The following TCTN2 variants were observed in gnomAD, a reference collection of about 807,000 sequenced individuals.
TCTN2 encodes the protein tectonic-2.
In TCTN2, 66 loss-of-function variants were observed where a neutral mutation model predicts 83.4. That is an observed-to-expected ratio of 0.79 (90% CI 0.65 to 0.97). The LOEUF (loss-of-function observed/expected upper bound fraction) is 0.97. Among genes scored for constraint, TCTN2 ranks in the 50% least tolerant of loss-of-function variants. The probability of loss-of-function intolerance (pLI) is 0.00; values close to 1 mark genes in which losing one functional copy is unlikely to be tolerated. For synonymous variants in TCTN2, 301 were observed against 326.7 expected, an observed-to-expected ratio of 0.92 and a Z score of 0.85; for missense variants, 794 against 858.1, an observed-to-expected ratio of 0.93 and a Z score of 0.93.
At chr12:123,671,486 T>C (rs1566241375) in intron 1 of TCTN2, 21 bp from the exon 2 acceptor site, 1 of 1,612,242 alleles carries the variant, frequency 6.2e-7, no homozygotes, top group Non-Finnish European at 8.5e-7. Flanking sequence ...CCCCTCCTTG[T>C]CCCCTTTCCT....
chr12:123,706,992 A>G lies in TCTN2; in HGVS notation c.1903A>G (p.Ile635Val). The change falls in exon 17 of 18, where the codon ATC becomes GTC. Residue 635 changes from isoleucine (I) to valine (V), a missense_variant. Ile to Val is a conservative substitution (Grantham distance 29, BLOSUM62 3). Coordinates refer to ENST00000303372, the MANE Select transcript of TCTN2 (RefSeq NM_024809.5). ...QLPHPLTRFQ[I>V]NYTEYDCNRN... Reference sequence around the variant, plus strand: ...CTCTAAAATGTTTTCTAGATTCCAGATCAATTATACAGAGTATGACTGCAA... The same window carrying G: ...CTCTAAAATGTTTTCTAGATTCCAGGTCAATTATACAGAGTATGACTGCAA... 6.2e-7 allele frequency: 1 copy of G among 1,614,080 alleles called. No individual in the cohort carries two copies. Among genetic ancestry groups the G allele is most frequent in the Non-Finnish European group, 8.5e-7 (1 of 1,180,008 alleles).
chr12:123,707,539 ATACC>A, intron 17 of TCTN2, 61 bp from the exon 18 acceptor site: 1 of 1,474,854 alleles, frequency 6.8e-7, no homozygotes, highest in African/African-American at 1.4e-5. Context: ...CACCCAGCCT[ATACC>A]TACACTGTTA....
At position 123,679,292 on chromosome 12, in the gene TCTN2, A is replaced by C. The variant is rs761089886; in HGVS notation, c.564+3A>C. 6.6e-5 allele frequency: 106 copies of C among 1,613,460 alleles called. No homozygotes were observed. In the East Asian group the frequency reaches 1.7e-3, roughly 25 times the overall value. Reference sequence around the variant, plus strand: ...ATGTTCGCTGCTGCTGTGACCAGGTATGTTCTTTGGTTATTGGGCACAAAA... The same window carrying C: ...ATGTTCGCTGCTGCTGTGACCAGGTCTGTTCTTTGGTTATTGGGCACAAAA... On this transcript the variant is annotated splice_donor_region_variant and intron_variant, in intron 5 of 17. Coordinates refer to ENST00000303372, the MANE Select transcript of TCTN2 (RefSeq NM_024809.5).
chr12:123,676,434 G>A (rs995615824), intron 4 of TCTN2, among the ~76,000 whole-genome samples: 2 of 151,800 alleles, frequency 1.3e-5, no homozygotes, highest in African/African-American at 4.8e-5. Flanking sequence ...CGGGTATGGT[G>A]GCGGGTGCCT....
In TCTN2 at chr12:123,671,148, C is replaced by T. The variant is rs1955743060; in HGVS notation, c.-93C>T. The T allele has an allele frequency of 8.9e-6, 11 of 1,240,968 alleles. No individual in the cohort carries two copies. In the South Asian group the frequency reaches 8.9e-5, roughly 10 times the overall value. 76.9% of individuals were successfully genotyped at this position (1,240,968 alleles called of 1,614,324 possible). ...GCGTTCGCTTGCAAGATGGCGGCGG[C>T]GGGGCAGTGGCTGCTGCGTTTTCGT... On this transcript the variant is annotated 5_prime_UTR_variant, in exon 1 of 18. Coordinates refer to ENST00000303372, the MANE Select transcript of TCTN2 (RefSeq NM_024809.5).
At chr12:123,686,023 G>A (rs1250828535) in intron 5 of TCTN2, among the ~76,000 whole-genome samples, 8 of 151,650 alleles carry the variant, frequency 5.3e-5, no homozygotes, top group African/African-American at 1.4e-4. Flanking sequence ...GATGCACTGC[G>A]TGCAGTCCAA....
intron 5 of TCTN2, among the ~76,000 whole-genome samples, chr12:123,683,218 A>C (rs1028701408): frequency 1.3e-5 from 2 of 151,846 alleles, no homozygotes; most frequent in African/African-American, 4.8e-5. Flanking sequence ...GTGAGAGTCC[A>C]TCTCAAAAAA....
intron 11 of TCTN2, chr12:123,695,568 C>T: frequency 3.3e-6 from 1 of 300,100 alleles, no homozygotes; most frequent in Non-Finnish European, 6.1e-6. Context: ...ATTACAGGTG[C>T]ACACCACCAT....
Position 123,680,421 on chromosome 12 carries a change from T to C in TCTN2, c.564+1132T>C, listed in dbSNP as rs939205453. The stretch of plus-strand genomic sequence containing the variant: ...TTTTTGAGACGGCCTCCTAAAGTGC[T>C]GGAATTACAGGTGTAAGCCACCATG... On this transcript the variant is annotated intron_variant, in intron 5 of 17. Transcript: ENST00000303372. 2.0e-5 allele frequency among the ~76,000 whole-genome samples: 3 copies of C among 151,698 alleles called. No individual in the cohort carries two copies. The East Asian group carries it at 5.8e-4, about 29-fold the overall frequency.
chr12:123,676,931 A>T (rs1441668770), intron 4 of TCTN2, among the ~76,000 whole-genome samples: 2 of 152,214 alleles, frequency 1.3e-5, no homozygotes, highest in Admixed American at 1.3e-4. Flanking sequence ...TAATTCCAGC[A>T]CTTTGGGAGG....
At position 123,699,680 on chromosome 12, in the gene TCTN2, G is replaced by T. The variant is rs1956149329; in HGVS notation, c.1506-24G>T. The T allele has an allele frequency of 1.9e-6, 3 of 1,586,676 alleles. No homozygotes were observed. The East Asian group carries it at 6.7e-5, about 35-fold the overall frequency. On this transcript the variant is annotated intron_variant, in intron 13 of 17. Coordinates refer to ENST00000303372, the MANE Select transcript of TCTN2 (RefSeq NM_024809.5). ...GGACAAGACCTGCTGGCCATGAGCT[G>T]AGAAATGTCTTACTCTCTTGCAGGG...
intron 2 of TCTN2, 101 bp from the exon 3 acceptor site, chr12:123,671,955 A>G (rs954571997): frequency 7.1e-6 from 7 of 989,964 alleles, no homozygotes; most frequent in East Asian, 2.4e-5. Context: ...AAAGGGCCCA[A>G]TCTTAGGCTG....
chr12:123,679,713 A>G (rs995848750), intron 5 of TCTN2, among the ~76,000 whole-genome samples: 8 of 136,310 alleles, frequency 5.9e-5, no homozygotes, highest in African/African-American at 2.2e-4. Flanking sequence ...TATGTTTTCT[A>G]TTGCAAATTG....
rs144567556 is a variant in TCTN2, at chr12:123,688,096, C to T, written c.810C>T (p.Asp270=). 10,111 of 1,613,986 alleles carry T rather than the reference C, an allele frequency of 6.3e-3. 46 individuals carry two copies. Among genetic ancestry groups the T allele is most frequent in the Non-Finnish European group, 7.8e-3 (9,187 of 1,179,922 alleles). The part of the protein sequence containing the change: ...DSSFEVYVDT[D]AKDFADFGYK... ...CCTTTGAAGTATATGTGGATACTGA[C>T]GCAAAAGACTTTGCAGACTTTGGTT... Residue 270 remains aspartate (D), a synonymous_variant, in exon 7 of 18, where the codon GAC becomes GAT. Transcript: ENST00000303372.
chr12:123,692,551 G>A, intron 8 of TCTN2, 107 bp from the exon 9 acceptor site: 1 of 875,154 alleles, frequency 1.1e-6, no homozygotes, highest in South Asian at 1.4e-5. Context: ...TCAGCACCCT[G>A]GGCAGTTGCG....
intron 11 of TCTN2, chr12:123,695,693 T>C (rs1330954146): frequency 1.2e-5 from 2 of 165,996 alleles, no homozygotes; most frequent in African/African-American, 4.8e-5. Context: ...TTTATATTTT[T>C]AGTAGAGATA....
intron 14 of TCTN2, among the ~76,000 whole-genome samples, chr12:123,700,755 T>G (rs1956163883): frequency 6.6e-6 from 1 of 152,192 alleles, no homozygotes; most frequent in Non-Finnish European, 1.5e-5. Context: ...AAGACCAGCC[T>G]GGGCAACATA....
intron 5 of TCTN2, among the ~76,000 whole-genome samples, chr12:123,682,158 G>T (rs1356208502): frequency 1.3e-5 from 2 of 152,136 alleles, no homozygotes; most frequent in South Asian, 2.1e-4. Flanking sequence ...TTTTTGTGAA[G>T]GTGGGGTCTT....
At chr12:123,691,567 T>G (rs969628057) in intron 8 of TCTN2, among the ~76,000 whole-genome samples, 26 of 152,202 alleles carry the variant, frequency 1.7e-4, no homozygotes, top group Non-Finnish European at 1.3e-4. Flanking sequence ...ACATGTGGGT[T>G]GTTTTCATCT....
Sources: allele counts gnomAD v4.1 joint callset (sites outside exome capture counted in the v4.1 genomes callset), GRCh38; gene constraint gnomAD v4.1.1; transcripts MANE v1.5; gene names NCBI Gene and HGNC (gene_info 2026-07-23, HGNC 2026-07-21).